Variants in VWA5B1 observed in about 807,000 individuals in gnomAD.
VWA5B1 encodes the protein von Willebrand factor A domain containing 5B1.
A neutral mutation model predicts 118.2 loss-of-function variants in VWA5B1; 115 were observed. That is an observed-to-expected ratio of 0.97 (90% CI 0.84 to 1.14). The LOEUF (loss-of-function observed/expected upper bound fraction) is 1.14. Ranked by LOEUF, VWA5B1 falls within the 50% of genes most tolerant of loss-of-function variation. The pLI is 0.00. For missense variants in VWA5B1, 1,596 were observed against 1,603.8 expected (o/e 1.00, Z 0.08); for synonymous variants, 682 against 658.4 (o/e 1.04, Z -0.55).
At chr1:20,309,165 A>G (rs1050760812) in intron 1 of VWA5B1, among the ~76,000 whole-genome samples, 1 of 152,192 alleles carries the variant, frequency 6.6e-6, no homozygotes, top group Non-Finnish European at 1.5e-5. Flanking sequence ...TATTCATTCA[A>G]TCAACACAAA....
Position 20,337,735 on chromosome 1 carries a change from C to T in VWA5B1, c.2032C>T (p.Pro678Ser), listed in dbSNP as rs376665529. The T allele has an allele frequency of 2.6e-6, 4 of 1,551,620 alleles. No homozygotes were observed. In the African/African-American group the frequency reaches 4.1e-5, roughly 16 times the overall value. ...CCCAAGAGCCACCATGGCAAGTGAC[C>T]CCATGCCAGCTGCCAAGAGATACCC... ...PLPRATMASD[P>S]MPAAKRYPLR... Residue 678 changes from proline (P) to serine (S), a missense_variant, in exon 14 of 22, where the codon CCC (proline) becomes TCC (serine). Physicochemically the swap from Pro to Ser is moderately conservative, Grantham distance 74. Coordinates refer to ENST00000289815, the MANE Select transcript of VWA5B1 (RefSeq NM_001039500.3).
At chr1:20,340,432 T>A (rs2100978498) in intron 14 of VWA5B1, among the ~76,000 whole-genome samples, 1 of 152,242 alleles carries the variant, frequency 6.6e-6, no homozygotes, top group South Asian at 2.1e-4. Context: ...AGTCCCCTCC[T>A]TCTCCCACAT....
chr1:20,331,096 C>A, intron 11 of VWA5B1, 113 bp downstream of exon 11: 1 of 797,430 alleles, frequency 1.3e-6, no homozygotes, highest in Non-Finnish European at 2.0e-6. Context: ...CTGAGCTCTT[C>A]ACTAGGCCAC....
intron 4 of VWA5B1, 119 bp from the exon 5 acceptor site, chr1:20,317,411 T>TGGG: frequency 7.2e-7 from 1 of 1,387,990 alleles, no homozygotes; most frequent in Non-Finnish European, 9.6e-7. Context: ...AGCACGGGTC[T>TGGG]GGGGGCCCCC....
chr1:20,335,639 A>G (rs1242271218), intron 12 of VWA5B1, among the ~76,000 whole-genome samples: 1 of 152,248 alleles, frequency 6.6e-6, no homozygotes, highest in Non-Finnish European at 1.5e-5. Flanking sequence ...CATATGTATT[A>G]TGTGCTGTAT....
At chr1:20,350,059 C>T (rs942526093) in intron 18 of VWA5B1, 97 bp from the exon 19 acceptor site, 29 of 1,285,192 alleles carry the variant, frequency 2.3e-5, no homozygotes, top group Non-Finnish European at 3.1e-5. Context: ...CCCCAACCCA[C>T]CTGCAGACAC....
intron 11 of VWA5B1, 80 bp downstream of exon 11, chr1:20,331,063 G>A: frequency 8.0e-7 from 1 of 1,247,496 alleles, no homozygotes. Context: ...ACTCAGTGGT[G>A]GAGCTGGGAT....
At chr1:20,347,612 T>C (rs1382124244) in intron 17 of VWA5B1, among the ~76,000 whole-genome samples, 1 of 151,964 alleles carries the variant, frequency 6.6e-6, no homozygotes, top group Non-Finnish European at 1.5e-5. Context: ...GCTAATTTTT[T>C]ATTTTTATTT....
chr1:20,314,316 A>T lies in VWA5B1; in HGVS notation c.293-6A>T, dbSNP rs1229692047. On this transcript the variant is annotated splice_region_variant and splice_polypyrimidine_tract_variant and intron_variant, in intron 3 of 21. Transcript: ENST00000289815. The stretch of plus-strand genomic sequence containing the variant: ...GTACAGCCCCTGACGCCAGCCTGGC[A>T]CTTAGGGAACATTCTGCAAGACGGG... 1.9e-6 allele frequency: 3 copies of T among 1,551,646 alleles called. No individual in the cohort carries two copies. The highest frequency in any genetic ancestry group is 4.9e-5 in the East Asian group (2 of 40,920).
At chr1:20,334,407 T>A (rs1308639507) in intron 12 of VWA5B1, among the ~76,000 whole-genome samples, 2 of 152,228 alleles carry the variant, frequency 1.3e-5, no homozygotes, top group Non-Finnish European at 2.9e-5. Flanking sequence ...TACTCAATAC[T>A]GGCAACGTTT....
chr1:20,340,350 T>C (rs1430995039), intron 14 of VWA5B1, among the ~76,000 whole-genome samples: 3 of 152,094 alleles, frequency 2.0e-5, no homozygotes, highest in African/African-American at 7.2e-5. Flanking sequence ...TAGTGTTTGA[T>C]TGGGCAAGGA....
At chr1:20,332,522 A>AATAAT (rs1557427479) in intron 11 of VWA5B1, among the ~76,000 whole-genome samples, 1 of 150,142 alleles carries the variant, frequency 6.7e-6, no homozygotes, top group Admixed American at 6.6e-5. Flanking sequence ...AATAAAATAA[A>AATAAT]ATAAAATAAA....
At chr1:20,349,893 A>G (rs1259625261) in intron 18 of VWA5B1, among the ~76,000 whole-genome samples, 1 of 152,122 alleles carries the variant, frequency 6.6e-6, no homozygotes, top group Non-Finnish European at 1.5e-5. Context: ...TGTATAAAGT[A>G]ATTTTGCCAA....
chr1:20,297,961 G>A (rs2088435981), intron 1 of VWA5B1, among the ~76,000 whole-genome samples: 1 of 142,396 alleles, frequency 7.0e-6, no homozygotes, highest in African/African-American at 2.6e-5. Context: ...GAGGCATGGA[G>A]GCTCATTATG....
Position 20,301,130 on chromosome 1 carries a change from G to A in VWA5B1, c.-26-9446G>A, listed in dbSNP as rs1883163. 9.4e-4 allele frequency among the ~76,000 whole-genome samples: 144 copies of A among 152,386 alleles called. 1 individual carries two copies. Among genetic ancestry groups the A allele is most frequent in the African/African-American group, 3.3e-3 (138 of 41,600 alleles). On this transcript the variant is annotated intron_variant, in intron 1 of 21. Transcript: ENST00000289815. ...GAATGTATTCTTTAGCCAACATCTA[G>A]GCAGGGGGCCCTGGGATGGCTGGGT...
intron 1 of VWA5B1, among the ~76,000 whole-genome samples, chr1:20,293,459 G>A (rs991377096): frequency 2.0e-5 from 3 of 152,218 alleles, no homozygotes; most frequent in Non-Finnish European, 4.4e-5. Flanking sequence ...TTCGGATACC[G>A]GTTGTCCTCT....
chr1:20,321,478 G>A (rs1342139359), intron 7 of VWA5B1, among the ~76,000 whole-genome samples: 4 of 152,182 alleles, frequency 2.6e-5, no homozygotes, highest in African/African-American at 7.2e-5. Context: ...CCAGCTACTC[G>A]GGAGGCTGAG....
chr1:20,292,089 TTC>T (rs1204914302), intron 1 of VWA5B1, among the ~76,000 whole-genome samples: 1 of 152,162 alleles, frequency 6.6e-6, no homozygotes, highest in Non-Finnish European at 1.5e-5. Flanking sequence ...TCTTTCTTTT[TTC>T]TTTTTTTCTT....
rs765390787 is a variant in VWA5B1 at position 20,354,249 on chromosome 1, C to G, written c.3634C>G (p.Pro1212Ala). ...NLEFNMLCYN[P>A]NYV Reference sequence around the variant, plus strand: ...CGAGTTCAATATGCTCTGCTATAACCCGAATTATGTGTAGTTGAGTGACGG... The same window carrying G: ...CGAGTTCAATATGCTCTGCTATAACGCGAATTATGTGTAGTTGAGTGACGG... The change falls in exon 22 of 22, where the codon CCG (proline) becomes GCG (alanine). Residue 1212 changes from proline to alanine, a missense_variant. Physicochemically the swap from Pro to Ala is conservative, Grantham distance 27 (BLOSUM62 -1). Transcript: ENST00000289815. The G allele has an allele frequency of 1.9e-6, 3 of 1,546,596 alleles. No homozygotes were observed. The highest frequency in any genetic ancestry group is 2.4e-5 in the South Asian group (2 of 83,600).
Sources: gnomAD v4.1 joint callset for allele counts (sites outside exome capture counted in the v4.1 genomes callset) on GRCh38, gnomAD v4.1.1 for gene constraint, MANE v1.5 for transcripts, NCBI Gene and HGNC (gene_info 2026-07-23, HGNC 2026-07-21) for gene names.